HS3ST4: variants seen among roughly 807,000 people sequenced by gnomAD.
The protein encoded by HS3ST4 is heparan sulfate-glucosamine 3-sulfotransferase 4.
Under a neutral mutation model 29.2 loss-of-function variants are expected in HS3ST4, and 17 were observed. That is an observed-to-expected ratio of 0.58 (90% CI 0.40 to 0.87). The LOEUF is 0.87. HS3ST4 is among the 40% of genes least tolerant of loss of function. The pLI is 0.00. For missense variants in HS3ST4, 627 were observed against 634.5 expected (o/e 0.99, Z 0.13); for synonymous variants, 314 against 285.7 (o/e 1.10, Z -1.00).
At chr16:25,704,567 T>A (rs940417515) in intron 1 of HS3ST4, among the ~76,000 whole-genome samples, 1 of 152,090 alleles carries the variant, frequency 6.6e-6, no homozygotes, top group African/African-American at 2.4e-5. Flanking sequence ...TCAAGTGATC[T>A]CCTGCCTCTA....
intron 1 of HS3ST4, among the ~76,000 whole-genome samples, chr16:26,075,788 C>G (rs969627802): frequency 1.3e-5 from 2 of 152,182 alleles, no homozygotes; most frequent in Non-Finnish European, 2.9e-5. Context: ...TCCATGCCAG[C>G]CTGGTTTTTC....
intron 1 of HS3ST4, among the ~76,000 whole-genome samples, chr16:25,994,026 G>C (rs1207150641): frequency 6.6e-6 from 1 of 151,136 alleles, no homozygotes; most frequent in Non-Finnish European, 1.5e-5. Flanking sequence ...GAGAGAGAGA[G>C]AGAGAATCTG....
At position 25,764,028 on chromosome 16, in the gene HS3ST4, C is replaced by T. The variant is rs762936789; in HGVS notation, c.734+70877C>T. On this transcript the variant is annotated intron_variant, in intron 1 of 1. Coordinates refer to ENST00000331351, the MANE Select transcript of HS3ST4 (RefSeq NM_006040.3). ...AATTCAAAAAATGGAGGGGTAGGTT[C>T]TAACGGAGCTGATGAAGGAGAATGC... Among the ~76,000 whole-genome samples, 22 of 152,160 alleles carry T rather than the reference C, an allele frequency of 1.4e-4. 1 individual carries two copies. Among genetic ancestry groups the T allele is most frequent in the Admixed American group, 6.5e-4 (10 of 15,272 alleles).
rs539028675 is a variant in HS3ST4, at chr16:25,803,936, T to A, written c.734+110785T>A. Among the ~76,000 whole-genome samples the A allele has an allele frequency of 1.7e-3, 266 of 152,166 alleles. 1 individual carries two copies. The highest frequency in any genetic ancestry group is 3.4e-3 in the Middle Eastern group (1 of 294). ...AGTCCTTTCATTTTTCATATTTTGGTTCCCCCTCCCCCTCTCCTTCCCTCT... is the reference window on the plus strand; with the variant it reads ...AGTCCTTTCATTTTTCATATTTTGGATCCCCCTCCCCCTCTCCTTCCCTCT... On this transcript the variant is annotated intron_variant, in intron 1 of 1. Transcript: ENST00000331351.
intron 1 of HS3ST4, among the ~76,000 whole-genome samples, chr16:25,719,705 A>G (rs1966480250): frequency 6.6e-6 from 1 of 152,214 alleles, no homozygotes; most frequent in Admixed American, 6.5e-5. Context: ...AAGTAGCAAA[A>G]AGACTTTTTC....
chr16:25,716,945 T>G (rs2141587617), intron 1 of HS3ST4, among the ~76,000 whole-genome samples: 1 of 151,936 alleles, frequency 6.6e-6, no homozygotes, highest in Middle Eastern at 3.4e-3. Flanking sequence ...TTCCAGCTAC[T>G]CGGGAGGCTG....
intron 1 of HS3ST4, among the ~76,000 whole-genome samples, chr16:26,003,070 G>A (rs1460186025): frequency 6.6e-6 from 1 of 151,900 alleles, no homozygotes; most frequent in Non-Finnish European, 1.5e-5. Context: ...GGGTAGACAA[G>A]AAATAGATTG....
chr16:26,116,616 T>C (rs1484151617), intron 1 of HS3ST4, among the ~76,000 whole-genome samples: 1 of 152,242 alleles, frequency 6.6e-6, no homozygotes, highest in East Asian at 1.9e-4. Context: ...CTGATAATGA[T>C]AGAGTGTCAT....
At chr16:26,040,351 T>C (rs926653645) in intron 1 of HS3ST4, among the ~76,000 whole-genome samples, 1 of 151,528 alleles carries the variant, frequency 6.6e-6, no homozygotes, top group African/African-American at 2.4e-5. Context: ...TTGCCCAGGC[T>C]GGAGCGCAGT....
intron 1 of HS3ST4, among the ~76,000 whole-genome samples, chr16:26,045,443 T>C (rs73516310): frequency 0.015 from 2,316 of 152,294 alleles, 59 homozygotes; most frequent in African/African-American, 0.051. Context: ...ATTGAAAACA[T>C]TATCCCTTGG....
intron 1 of HS3ST4, among the ~76,000 whole-genome samples, chr16:25,777,501 G>A (rs1966848695): frequency 2.0e-5 from 3 of 151,982 alleles, no homozygotes; most frequent in African/African-American, 7.2e-5. Flanking sequence ...GGGCGCGGTG[G>A]CTCGCGCCTG....
chr16:25,967,411 C>T (rs1022002003), intron 1 of HS3ST4, among the ~76,000 whole-genome samples: 3 of 152,192 alleles, frequency 2.0e-5, no homozygotes, highest in African/African-American at 7.2e-5. Flanking sequence ...ACCTCAGTCT[C>T]CCCAAGTGTT....
intron 1 of HS3ST4, among the ~76,000 whole-genome samples, chr16:25,768,253 A>T (rs2141609735): frequency 6.6e-6 from 1 of 152,348 alleles, no homozygotes; most frequent in Middle Eastern, 3.4e-3. Context: ...CACATTCATC[A>T]GTGCATACCC....
chr16:25,726,655 T>C (rs1045048499), intron 1 of HS3ST4, among the ~76,000 whole-genome samples: 3 of 152,162 alleles, frequency 2.0e-5, no homozygotes, highest in Non-Finnish European at 4.4e-5. Context: ...TGCCCTCACA[T>C]ATGAAAACCA....
chr16:25,844,566 C>G (rs1449667822), intron 1 of HS3ST4, among the ~76,000 whole-genome samples: 1 of 152,036 alleles, frequency 6.6e-6, no homozygotes, highest in Admixed American at 6.6e-5. Context: ...AATCTTTGAG[C>G]ACACACACAC....
intron 1 of HS3ST4, among the ~76,000 whole-genome samples, chr16:25,703,152 A>G (rs1038370629): frequency 2.0e-5 from 3 of 152,068 alleles, no homozygotes; most frequent in African/African-American, 7.2e-5. Flanking sequence ...ACAGAGCAAG[A>G]GTCTGTCTCA....
At chr16:26,042,250 T>A (rs972898863) in intron 1 of HS3ST4, among the ~76,000 whole-genome samples, 15 of 152,228 alleles carry the variant, frequency 9.9e-5, no homozygotes, top group African/African-American at 3.6e-4. Flanking sequence ...TCTCTTTAAC[T>A]CTGAAATTAG....
intron 1 of HS3ST4, among the ~76,000 whole-genome samples, chr16:25,772,043 G>A (rs1404319644): frequency 6.6e-6 from 1 of 152,174 alleles, no homozygotes; most frequent in Non-Finnish European, 1.5e-5. Flanking sequence ...TGAGCCATAT[G>A]GTCTCTGTCA....
chr16:25,994,933 A>C (rs1187823441), intron 1 of HS3ST4, among the ~76,000 whole-genome samples: 4 of 152,228 alleles, frequency 2.6e-5, no homozygotes, highest in East Asian at 1.9e-4. Flanking sequence ...ATTTCCCTGA[A>C]TACCATGTAC....
Sources: gnomAD v4.1 joint callset for allele counts (sites outside exome capture counted in the v4.1 genomes callset) on GRCh38, gnomAD v4.1.1 for gene constraint, MANE v1.5 for transcripts, NCBI Gene and HGNC (gene_info 2026-07-23, HGNC 2026-07-21) for gene names.